The following TBC1D5 variants were observed in gnomAD, a reference collection of about 807,000 sequenced individuals.
TBC1D5 encodes TBC1 domain family member 5.
In TBC1D5, 75 loss-of-function variants were observed where a neutral mutation model predicts 100.3. The ratio of observed to expected loss-of-function variants is 0.75; its 90% CI spans 0.62 to 0.91. TBC1D5 has a LOEUF of 0.91. Ranked by LOEUF, TBC1D5 falls within the 40% of genes least tolerant of loss-of-function variation. The pLI, the probability that TBC1D5 is intolerant of heterozygous loss-of-function variation, is 0.00. For synonymous variants in TBC1D5, 323 were observed against 325.6 expected, an observed-to-expected ratio of 0.99 and a Z score of 0.09; for missense variants, 910 against 942.4, an observed-to-expected ratio of 0.97 and a Z score of 0.45.
chr3:17,253,052 CGATTG>C (rs2077308112), intron 16 of TBC1D5, among the ~76,000 whole-genome samples: 1 of 152,066 alleles, frequency 6.6e-6, no homozygotes, highest in South Asian at 2.1e-4. Context: ...TTTAGTTTAA[CGATTG>C]AATAAATACA....
At chr3:17,251,424 AAC>A (rs1491350840) in intron 16 of TBC1D5, among the ~76,000 whole-genome samples, 82 of 28,144 alleles carry the variant, frequency 2.9e-3, no homozygotes, top group Non-Finnish European at 4.6e-3. Flanking sequence ...TACTCACGGG[AAC>A]CCCCCCCCCC....
chr3:17,531,950 A>T (rs1294814323), intron 2 of TBC1D5, among the ~76,000 whole-genome samples: 3 of 152,196 alleles, frequency 2.0e-5, no homozygotes. Flanking sequence ...CTAAAACACC[A>T]AAAGCAATGG....
At chr3:17,255,519 G>A (rs1574980817) in intron 16 of TBC1D5, among the ~76,000 whole-genome samples, 1 of 152,122 alleles carries the variant, frequency 6.6e-6, no homozygotes, top group East Asian at 1.9e-4. Flanking sequence ...GTTTCTTACT[G>A]AACTGCCTAA....
At chr3:17,249,522 GA>G (rs1470307543) in intron 16 of TBC1D5, among the ~76,000 whole-genome samples, 14 of 152,328 alleles carry the variant, frequency 9.2e-5, no homozygotes, top group African/African-American at 3.1e-4. Flanking sequence ...TACCCCTCAT[GA>G]ATGGCTTGGT....
chr3:17,521,248 T>C (rs184105487), intron 2 of TBC1D5, among the ~76,000 whole-genome samples: 3 of 152,256 alleles, frequency 2.0e-5, no homozygotes, highest in East Asian at 1.9e-4. Context: ...CACCGGTCCA[T>C]GTGGATTTTC....
At chr3:17,223,910 C>T (rs966162647) in intron 17 of TBC1D5, among the ~76,000 whole-genome samples, 1 of 150,982 alleles carries the variant, frequency 6.6e-6, no homozygotes, top group African/African-American at 2.4e-5. Flanking sequence ...AAAAACAAAA[C>T]AAAACAAAAC....
chr3:17,548,913 T>G (rs1013573074), intron 2 of TBC1D5, among the ~76,000 whole-genome samples: 4 of 152,254 alleles, frequency 2.6e-5, no homozygotes, highest in Admixed American at 6.5e-5. Flanking sequence ...CAAATACCTT[T>G]AAATTTACCT....
intron 1 of TBC1D5, among the ~76,000 whole-genome samples, chr3:17,737,604 C>A (rs2077057511): frequency 6.6e-6 from 1 of 152,072 alleles, no homozygotes. Flanking sequence ...CTAATACATG[C>A]ACTCATAGCA....
At chr3:17,723,412 G>A (rs2153970454) in intron 1 of TBC1D5, among the ~76,000 whole-genome samples, 1 of 152,140 alleles carries the variant, frequency 6.6e-6, no homozygotes, top group African/African-American at 2.4e-5. Context: ...CACCACAAAA[G>A]ATTTCCTACA....
chr3:17,491,521 T>C (rs1191834927), intron 3 of TBC1D5, among the ~76,000 whole-genome samples: 2 of 152,212 alleles, frequency 1.3e-5, no homozygotes, highest in Admixed American at 1.3e-4. Flanking sequence ...CATGAAGGGA[T>C]GTTCAATTTT....
intron 13 of TBC1D5, among the ~76,000 whole-genome samples, chr3:17,366,940 C>T (rs2092171954): frequency 6.6e-6 from 1 of 152,026 alleles, no homozygotes; most frequent in South Asian, 2.1e-4. Flanking sequence ...AGAAAACAGA[C>T]ATGGAAGATA....
chr3:17,735,597 C>G (rs749959648), intron 1 of TBC1D5, among the ~76,000 whole-genome samples: 1 of 152,144 alleles, frequency 6.6e-6, no homozygotes, highest in Non-Finnish European at 1.5e-5. Flanking sequence ...AGTGTTATAG[C>G]TCTATTAGAA....
At chr3:17,303,602 C>A (rs960491138) in intron 14 of TBC1D5, among the ~76,000 whole-genome samples, 38 of 152,294 alleles carry the variant, frequency 2.5e-4, no homozygotes, top group African/African-American at 8.2e-4. Context: ...CCATACCAAG[C>A]AGATCTAGAA....
chr3:17,397,122 T>C (rs961022349), intron 8 of TBC1D5, among the ~76,000 whole-genome samples: 2 of 152,072 alleles, frequency 1.3e-5, no homozygotes, highest in East Asian at 3.9e-4. Context: ...ACAGCACATA[T>C]CTATAATTTT....
intron 14 of TBC1D5, among the ~76,000 whole-genome samples, chr3:17,293,620 A>T (rs1452214748): frequency 6.6e-6 from 1 of 152,208 alleles, no homozygotes; most frequent in African/African-American, 2.4e-5. Context: ...CAACTTTTTG[A>T]TTGAAAAAAT....
chr3:17,526,413 T>C (rs1471697109), intron 2 of TBC1D5, among the ~76,000 whole-genome samples: 1 of 151,986 alleles, frequency 6.6e-6, no homozygotes, highest in East Asian at 1.9e-4. Flanking sequence ...AGAGACCAGG[T>C]CTCCCTATTT....
intron 1 of TBC1D5, among the ~76,000 whole-genome samples, chr3:17,735,646 T>C (rs1314034332): frequency 6.6e-6 from 1 of 152,156 alleles, no homozygotes; most frequent in Non-Finnish European, 1.5e-5. Context: ...ACCCAGAGAC[T>C]AGTGTTCAGC....
chr3:17,599,134 A>G (rs2060765487), intron 2 of TBC1D5, among the ~76,000 whole-genome samples: 2 of 152,188 alleles, frequency 1.3e-5, no homozygotes, highest in Non-Finnish European at 2.9e-5. Flanking sequence ...AGTGATACAG[A>G]CAGGAGGCAG....
intron 13 of TBC1D5, among the ~76,000 whole-genome samples, chr3:17,320,439 A>G (rs1435425524): frequency 2.0e-5 from 3 of 152,216 alleles, no homozygotes; most frequent in Non-Finnish European, 4.4e-5. Flanking sequence ...TTTGAGAACC[A>G]CTACTTTAAG....
Sources: allele counts gnomAD v4.1 joint callset (sites outside exome capture counted in the v4.1 genomes callset), GRCh38; gene constraint gnomAD v4.1.1; transcripts MANE v1.5; gene names NCBI Gene and HGNC (gene_info 2026-07-23, HGNC 2026-07-21).